The following CFI variants were observed in gnomAD, a reference collection of about 807,000 sequenced individuals.
CFI encodes the protein complement factor I.
Under a neutral mutation model 78.8 loss-of-function variants are expected in CFI, and 66 were observed. The observed-to-expected ratio is 0.84, with a 90% CI of 0.69 to 1.03. The LOEUF (loss-of-function observed/expected upper bound fraction) is 1.03. Ranked by LOEUF, CFI falls within the 50% of genes least tolerant of loss-of-function variation. The pLI is 0.00. For missense variants in CFI, 706 were observed against 704.5 expected (o/e 1.00, Z -0.02); for synonymous variants, 250 against 232.6 (o/e 1.07, Z -0.68).
At chr4:109,758,929 CT>C (rs1726666719) in intron 6 of CFI, among the ~76,000 whole-genome samples, 1 of 152,132 alleles carries the variant, frequency 6.6e-6, no homozygotes, top group Non-Finnish European at 1.5e-5. Flanking sequence ...TCTGTCTCTT[CT>C]AAAAACAGAA....
chr4:109,801,744 CT>C lies in CFI; in HGVS notation c.57+170del, dbSNP rs562063371. ...AAAAAGAACTATTTTTAAAAAATCA[CT>C]TTTATCAAGATATTAACATAAAACA... On this transcript the variant is annotated intron_variant, in intron 1 of 12. Transcript: ENST00000394634. 2.2e-3 allele frequency among the ~76,000 whole-genome samples: 341 copies of C among 152,280 alleles called. 2 individuals carry two copies. Among genetic ancestry groups the C allele is most frequent in the African/African-American group, 7.6e-3 (316 of 41,556 alleles).
intron 7 of CFI, among the ~76,000 whole-genome samples, chr4:109,756,315 AAG>A (rs1020176060): frequency 0.011 from 9 of 794 alleles, no homozygotes; most frequent in Non-Finnish European, 0.045. Context: ...GAGGAAGGAA[AAG>A]AGGAGGGAGG....
At chr4:109,731,340 ACT>A in the CFI span, among the ~76,000 whole-genome samples, 1 of 151,846 alleles carries the variant, frequency 6.6e-6, no homozygotes, top group East Asian at 1.9e-4. Flanking sequence ...ACAGAGCGAG[ACT>A]CTAAAAAAAA....
chr4:109,753,151 T>G lies in CFI; in HGVS notation c.905-648A>C, dbSNP rs1401698212. On this transcript the variant is annotated intron_variant, in intron 7 of 12. Transcript: ENST00000394634. ...ATAAATAAATATTTATAATATATATTTATTATATAAATAAATATTTATAAT... is the reference window on the plus strand; with the variant it reads ...ATAAATAAATATTTATAATATATATGTATTATATAAATAAATATTTATAAT... Among the ~76,000 whole-genome samples the G allele has an allele frequency of 5.9e-5, 4 of 67,512 alleles. 1 individual carries two copies. The highest frequency in any genetic ancestry group is 2.2e-4 in the African/African-American group (4 of 18,054). The allele number at this position is 67,512 out of a possible 152,430, so 44.3% of individuals were successfully genotyped here.
At chr4:109,774,991 T>C (rs1263815772) in intron 1 of CFI, among the ~76,000 whole-genome samples, 1 of 152,130 alleles carries the variant, frequency 6.6e-6, no homozygotes, top group African/African-American at 2.4e-5. Flanking sequence ...TTTTGGTGGG[T>C]TGTGTCATTA....
the CFI span, among the ~76,000 whole-genome samples, chr4:109,733,856 G>A: frequency 6.6e-6 from 1 of 152,182 alleles, no homozygotes. Flanking sequence ...GAAGTTGTCA[G>A]AATAGAAATG....
intron 1 of CFI, among the ~76,000 whole-genome samples, chr4:109,776,280 A>G (rs961647872): frequency 3.3e-5 from 5 of 152,208 alleles, no homozygotes; most frequent in African/African-American, 1.2e-4. Flanking sequence ...TCCTTAAATG[A>G]CCTGATGGAG....
chr4:109,790,654 T>A (rs187236678), intron 1 of CFI, among the ~76,000 whole-genome samples: 1 of 152,162 alleles, frequency 6.6e-6, no homozygotes, highest in African/African-American at 2.4e-5. Flanking sequence ...TGTGTTCTCA[T>A]AATTTAGCTT....
At chr4:109,758,773 G>A (rs985403523) in intron 6 of CFI, among the ~76,000 whole-genome samples, 13 of 152,188 alleles carry the variant, frequency 8.5e-5, no homozygotes, top group African/African-American at 3.1e-4. Context: ...ATGTGTAACA[G>A]GAAATACATG....
intron 1 of CFI, among the ~76,000 whole-genome samples, chr4:109,780,703 T>A (rs1729899437): frequency 6.6e-6 from 1 of 152,158 alleles, no homozygotes; most frequent in Non-Finnish European, 1.5e-5. Flanking sequence ...CACACGTATG[T>A]TTATTGCGGC....
intron 1 of CFI, among the ~76,000 whole-genome samples, chr4:109,767,967 T>C (rs7438732): frequency 0.97 from 147,534 of 151,980 alleles, 71,753 homozygotes; most frequent in East Asian, 1. Context: ...AAATGATGAG[T>C]TCATGTCCTT....
At position 109,764,520 on chromosome 4, in the gene CFI, C is replaced by A; in HGVS notation, c.482+17G>T. Reference sequence around the variant, plus strand: ...ATTAAATCAGCCATGAGAAAATCCACTGATACAAGCGCTCACTGTTGAAAC... The same window carrying A: ...ATTAAATCAGCCATGAGAAAATCCAATGATACAAGCGCTCACTGTTGAAAC... On this transcript the variant is annotated intron_variant, in intron 3 of 12. Coordinates refer to ENST00000394634, the MANE Select transcript of CFI (RefSeq NM_000204.5). The A allele has an allele frequency of 6.2e-7, 1 of 1,613,848 alleles. No individual in the cohort carries two copies. The highest frequency in any genetic ancestry group is 8.5e-7 in the Non-Finnish European group (1 of 1,179,908).
intron 1 of CFI, among the ~76,000 whole-genome samples, chr4:109,775,431 G>T (rs1174095990): frequency 6.6e-6 from 1 of 152,336 alleles, no homozygotes; most frequent in East Asian, 1.9e-4. Flanking sequence ...CAAACTGCAA[G>T]GTGGCAGCAA....
intron 1 of CFI, among the ~76,000 whole-genome samples, chr4:109,781,528 T>C (rs1560559295): frequency 6.6e-6 from 1 of 151,982 alleles, no homozygotes; most frequent in Non-Finnish European, 1.5e-5. Context: ...AAATTACCAA[T>C]GAACAAAAGG....
At chr4:109,756,957 GAAAGAAAGAAAGAAAGAA>G (rs1561298021) in intron 7 of CFI, among the ~76,000 whole-genome samples, 3 of 132,950 alleles carry the variant, frequency 2.3e-5, no homozygotes, top group African/African-American at 8.1e-5. Flanking sequence ...AAGAAAGAAA[GAAAGAAAGAAAGAAAGAA>G]AGAAATTCTG....
chr4:109,764,020 A>G (rs1329734356), intron 3 of CFI, among the ~76,000 whole-genome samples: 1 of 148,716 alleles, frequency 6.7e-6, no homozygotes, highest in Admixed American at 6.8e-5. Context: ...TATATAAATT[A>G]TAGTTTGTAC....
chr4:109,755,582 A>T (rs1726027896), intron 7 of CFI, among the ~76,000 whole-genome samples: 1 of 152,078 alleles, frequency 6.6e-6, no homozygotes, highest in Non-Finnish European at 1.5e-5. Context: ...CTTGTTATAT[A>T]CAAAAGTGAG....
At chr4:109,743,230 T>G (rs1724019255) in intron 11 of CFI, among the ~76,000 whole-genome samples, 2 of 152,092 alleles carry the variant, frequency 1.3e-5, no homozygotes, top group Admixed American at 6.5e-5. Flanking sequence ...TCCTTTAAGC[T>G]CTACTTCAAG....
chr4:109,747,812 C>A (rs112393285), intron 10 of CFI, among the ~76,000 whole-genome samples: 1 of 152,196 alleles, frequency 6.6e-6, no homozygotes, highest in East Asian at 1.9e-4. Context: ...GGGATGATTT[C>A]CGGATGAAAC....
Sources: gnomAD v4.1 joint callset for allele counts (sites outside exome capture counted in the v4.1 genomes callset) on GRCh38, gnomAD v4.1.1 for gene constraint, MANE v1.5 for transcripts, NCBI Gene and HGNC (gene_info 2026-07-23, HGNC 2026-07-21) for gene names.